Variants in FRMD4B observed in about 807,000 individuals in gnomAD.
FRMD4B encodes the protein FERM domain containing 4B, also known as FERM domain-containing protein 4B.
Under a neutral mutation model 141.5 loss-of-function variants are expected in FRMD4B, and 74 were observed. The ratio of observed to expected loss-of-function variants is 0.52; its 90% CI spans 0.43 to 0.63. FRMD4B has a LOEUF of 0.63. Ranked by LOEUF, FRMD4B falls within the 30% of genes least tolerant of loss-of-function variation. FRMD4B has a pLI of 0.00. For synonymous variants in FRMD4B, 506 were observed against 467.9 expected (o/e 1.08, Z -1.05); for missense variants, 1,366 against 1,253.4 (o/e 1.09, Z -1.36).
At chr3:69,468,967 A>G (rs1705839549) in intron 1 of FRMD4B, among the ~76,000 whole-genome samples, 1 of 152,208 alleles carries the variant, frequency 6.6e-6, no homozygotes, top group African/African-American at 2.4e-5. Flanking sequence ...TGAGTAAGGA[A>G]TCATACTGGG....
intron 11 of FRMD4B, among the ~76,000 whole-genome samples, chr3:69,212,359 C>CAAAAAAAAAAAAAAAAA (rs869309749): frequency 3.3e-3 from 82 of 25,182 alleles, no homozygotes; most frequent in East Asian, 4.9e-3. Flanking sequence ...AACCCCGTCT[C>CAAAAAAAAAAAAAAAAA]AAAAAAAAAA....
chr3:69,450,028 G>A (rs947082859), intron 1 of FRMD4B, among the ~76,000 whole-genome samples: 6 of 151,056 alleles, frequency 4.0e-5, no homozygotes, highest in African/African-American at 1.2e-4. Flanking sequence ...GTAAAATGGG[G>A]AGAACAAGGT....
intron 7 of FRMD4B, among the ~76,000 whole-genome samples, chr3:69,245,338 TG>T (rs2093415970): frequency 2.7e-5 from 4 of 149,788 alleles, no homozygotes; most frequent in African/African-American, 1.0e-4. Flanking sequence ...TGTGTGTGTG[TG>T]TGTGTGTGTG....
chr3:69,447,484 G>C (rs1705426911), intron 1 of FRMD4B, among the ~76,000 whole-genome samples: 2 of 152,104 alleles, frequency 1.3e-5, no homozygotes, highest in South Asian at 4.1e-4. Context: ...TTTAAGTGTG[G>C]AGTTAAACAG....
At chr3:69,173,669 G>T (rs1227133190) in intron 22 of FRMD4B, among the ~76,000 whole-genome samples, 1 of 152,110 alleles carries the variant, frequency 6.6e-6, no homozygotes, top group African/African-American at 2.4e-5. Context: ...ACAAATGGAT[G>T]GAAATAAGTA....
intron 2 of FRMD4B, among the ~76,000 whole-genome samples, chr3:69,402,717 A>T (rs1704585978): frequency 1.3e-5 from 2 of 152,212 alleles, no homozygotes; most frequent in East Asian, 3.8e-4. Flanking sequence ...ATAGCTAAAT[A>T]AGCAACCCAG....
intron 21 of FRMD4B, among the ~76,000 whole-genome samples, chr3:69,179,432 A>G (rs1575582322): frequency 6.6e-6 from 1 of 152,158 alleles, no homozygotes; most frequent in South Asian, 2.1e-4. Context: ...TTGAACTTTA[A>G]GAGGAAGAAA....
At chr3:69,236,228 G>GT (rs545415221) in intron 7 of FRMD4B, among the ~76,000 whole-genome samples, 4,155 of 139,650 alleles carry the variant, frequency 0.03, 68 homozygotes, top group Non-Finnish European at 0.034. Context: ...TATTGTTTTG[G>GT]TTTTTTTTTT....
intron 7 of FRMD4B, chr3:69,228,454 G>C: frequency 4.4e-6 from 2 of 456,726 alleles, no homozygotes; most frequent in South Asian, 3.1e-5. Flanking sequence ...TGTGAACTCT[G>C]AAGAGAGGAG....
chr3:69,234,132 G>A (rs917322667), intron 7 of FRMD4B, among the ~76,000 whole-genome samples: 7 of 151,828 alleles, frequency 4.6e-5, no homozygotes, highest in Admixed American at 2.6e-4. Context: ...TGTAGTCCCA[G>A]TTACTCAGGA....
intron 2 of FRMD4B, among the ~76,000 whole-genome samples, chr3:69,400,598 G>A (rs1221281107): frequency 6.6e-6 from 1 of 152,196 alleles, no homozygotes; most frequent in Non-Finnish European, 1.5e-5. Flanking sequence ...ACCCAGGAAG[G>A]CAATCCAAGA....
intron 7 of FRMD4B, among the ~76,000 whole-genome samples, chr3:69,237,102 T>C (rs1044647611): frequency 6.6e-6 from 1 of 152,144 alleles, no homozygotes; most frequent in African/African-American, 2.4e-5. Flanking sequence ...CTTACCAAAG[T>C]TCCCACAGTA....
At position 69,228,835 on chromosome 3, in the gene FRMD4B, T is replaced by TAA. The variant is rs71115665; in HGVS notation, c.582-4147_582-4146dup. On this transcript the variant is annotated intron_variant, in intron 7 of 22. Coordinates refer to ENST00000398540, the MANE Select transcript of FRMD4B (RefSeq NM_015123.3). ...GGCAACAGAGTGAGATTCTCTTATT[T>TAA]AAAAAAAAAAAAAAAGAATGGAGAG... 8.5e-4 allele frequency among the ~76,000 whole-genome samples: 120 copies of TAA among 141,354 alleles called. 3 individuals carry two copies. In the South Asian group the frequency reaches 9.1e-3, roughly 11 times the overall value. The allele number at this position is 141,354 out of a possible 152,430, so 92.7% of individuals were successfully genotyped here. A position where few individuals can be genotyped will look rare whatever the true frequency, so the allele number is the denominator to read the frequency against.
chr3:69,325,235 G>A (rs1702155565), intron 1 of FRMD4B, among the ~76,000 whole-genome samples: 2 of 152,204 alleles, frequency 1.3e-5, no homozygotes, highest in Admixed American at 6.5e-5. Flanking sequence ...TTAACTGCAT[G>A]CTCCTTTCTG....
chr3:69,204,379 A>C (rs1398020225), intron 11 of FRMD4B, among the ~76,000 whole-genome samples: 2 of 152,170 alleles, frequency 1.3e-5, no homozygotes, highest in East Asian at 3.9e-4. Context: ...TGGCTTTTTA[A>C]TGGCAACTCA....
At chr3:69,366,291 A>G (rs367954359) in intron 1 of FRMD4B, among the ~76,000 whole-genome samples, 1 of 148,500 alleles carries the variant, frequency 6.7e-6, no homozygotes, top group Admixed American at 6.7e-5. Flanking sequence ...AAACAAAAAA[A>G]ATTGACAACA....
At chr3:69,348,282 GGAA>G (rs1703016956) in intron 1 of FRMD4B, among the ~76,000 whole-genome samples, 1 of 152,080 alleles carries the variant, frequency 6.6e-6, no homozygotes, top group African/African-American at 2.4e-5. Flanking sequence ...GAATAAACCT[GGAA>G]GAAGTTGAAT....
intron 1 of FRMD4B, among the ~76,000 whole-genome samples, chr3:69,485,647 G>A (rs1276642777): frequency 5.3e-5 from 8 of 152,226 alleles, no homozygotes; most frequent in Non-Finnish European, 8.8e-5. Flanking sequence ...ACCTGGCCCA[G>A]CCCCCTCACA....
At chr3:69,249,889 A>G (rs548694197) in intron 6 of FRMD4B, among the ~76,000 whole-genome samples, 154 bp downstream of exon 6, 1 of 152,340 alleles carries the variant, frequency 6.6e-6, no homozygotes, top group African/African-American at 2.4e-5. Flanking sequence ...ATTCTAAAGC[A>G]GAAGACGGTG....
Sources: allele counts gnomAD v4.1 joint callset (sites outside exome capture counted in the v4.1 genomes callset), GRCh38; gene constraint gnomAD v4.1.1; transcripts MANE v1.5; gene names NCBI Gene and HGNC (gene_info 2026-07-23, HGNC 2026-07-21).